TP63: variants seen among roughly 807,000 people sequenced by gnomAD.
TP63 encodes tumor protein 63.
In TP63, 17 loss-of-function variants were observed where a neutral mutation model predicts 82.8. That is an observed-to-expected ratio of 0.21 (90% confidence interval 0.14 to 0.31). The LOEUF (loss-of-function observed/expected upper bound fraction) is 0.31, where lower values mean the gene tolerates loss of function less well. Ranked by LOEUF, TP63 falls within the 10% of genes least tolerant of loss-of-function variation. The pLI is 1.00. For synonymous variants in TP63, 330 were observed against 321.7 expected (o/e 1.03, Z -0.28); for missense variants, 648 against 895.3 (o/e 0.72, Z 3.52).
At chr3:189,711,771 G>T (rs561485797) in intron 1 of TP63, among the ~76,000 whole-genome samples, 20 of 152,284 alleles carry the variant, frequency 1.3e-4, no homozygotes, top group Admixed American at 9.8e-4. Context: ...TTTCATGTGG[G>T]TATAATGTCT....
chr3:189,738,192 A>G (rs2108796133), intron 2 of TP63, among the ~76,000 whole-genome samples: 1 of 152,290 alleles, frequency 6.6e-6, no homozygotes, highest in South Asian at 2.1e-4. Flanking sequence ...TAATGCAGGT[A>G]CTCACTGAGA....
In TP63 at chr3:189,789,013, T is replaced by G. The variant is rs6794787; in HGVS notation, c.325-19259T>G. Among the ~76,000 whole-genome samples the G allele has an allele frequency of 8.4e-3, 1,275 of 152,092 alleles. 22 individuals are homozygous for G. Among genetic ancestry groups the G allele is most frequent in the African/African-American group, 0.029 (1,214 of 41,542 alleles). On this transcript the variant is annotated intron_variant, in intron 3 of 13. Transcript: ENST00000264731. ...TCCCGTACATAATATGGATGTTTGT[T>G]TGTTTTTGTAAGTTAACGGGACCGG... is the stretch of plus-strand genomic sequence containing the variant.
intron 3 of TP63, among the ~76,000 whole-genome samples, chr3:189,766,365 A>G (rs535452951): frequency 6.0e-4 from 91 of 152,336 alleles, no homozygotes; most frequent in African/African-American, 2.0e-3. Flanking sequence ...GCAAAAACCC[A>G]AACACAAAAG....
chr3:189,734,272 A>G (rs1237538305), intron 1 of TP63, among the ~76,000 whole-genome samples: 3 of 149,490 alleles, frequency 2.0e-5, no homozygotes, highest in Non-Finnish European at 4.4e-5. Context: ...CTTGGGTTCA[A>G]GCGATTCTCC....
intron 1 of TP63, among the ~76,000 whole-genome samples, chr3:189,716,036 C>T (rs1718932945): frequency 6.6e-6 from 1 of 152,174 alleles, no homozygotes; most frequent in South Asian, 2.1e-4. Context: ...TTTACTCATA[C>T]AGCGATATAG....
intron 3 of TP63, among the ~76,000 whole-genome samples, chr3:189,770,729 A>C (rs1298753365): frequency 1.3e-5 from 2 of 152,196 alleles, no homozygotes. Flanking sequence ...AAATTTGAGG[A>C]GGCTAATCCA....
At chr3:189,886,329 A>C in intron 10 of TP63, 65 bp from the exon 11 acceptor site, 1 of 1,564,284 alleles carries the variant, frequency 6.4e-7, no homozygotes, top group Admixed American at 1.7e-5. Flanking sequence ...AGACCTGTTG[A>C]AAATCAATAG....
intron 1 of TP63, among the ~76,000 whole-genome samples, chr3:189,721,590 A>ATCTTG (rs1719397632): frequency 6.6e-6 from 1 of 152,092 alleles, no homozygotes; most frequent in South Asian, 2.1e-4. Flanking sequence ...ATAATGATCC[A>ATCTTG]TCTTGCTTTG....
intron 1 of TP63, among the ~76,000 whole-genome samples, chr3:189,733,823 A>C (rs13433804): frequency 0.62 from 93,980 of 151,924 alleles, 29,252 homozygotes; most frequent in Middle Eastern, 0.68. Context: ...AAATAAACCA[A>C]GTCAGCCACA....
chr3:189,733,657 T>C (rs1720335529), intron 1 of TP63, among the ~76,000 whole-genome samples: 1 of 152,226 alleles, frequency 6.6e-6, no homozygotes, highest in Non-Finnish European at 1.5e-5. Flanking sequence ...ATGATTGCAT[T>C]TACTTTTATT....
intron 10 of TP63, among the ~76,000 whole-genome samples, chr3:189,875,624 A>G (rs1284538174): frequency 8.4e-6 from 1 of 118,412 alleles, no homozygotes; most frequent in South Asian, 2.8e-4. Flanking sequence ...ATATATATAT[A>G]TATATATATA....
At chr3:189,881,382 C>T (rs1426058661) in intron 10 of TP63, 1 of 985,298 alleles carries the variant, frequency 1.0e-6, no homozygotes, top group Non-Finnish European at 1.2e-6. Flanking sequence ...TCTTCCCACA[C>T]CCAGTCACCA....
At chr3:189,812,907 C>A (rs1727729335) in intron 4 of TP63, among the ~76,000 whole-genome samples, 1 of 152,130 alleles carries the variant, frequency 6.6e-6, no homozygotes, top group Non-Finnish European at 1.5e-5. Flanking sequence ...GGGCTATTAA[C>A]ATGCATACTT....
At chr3:189,724,385 G>A (rs1719616892) in intron 1 of TP63, among the ~76,000 whole-genome samples, 1 of 152,138 alleles carries the variant, frequency 6.6e-6, no homozygotes, top group Non-Finnish European at 1.5e-5. Flanking sequence ...ACATAAGTAA[G>A]TTTTTTAGAG....
chr3:189,628,162 T>C (rs1410214699), upstream of TP63, among the ~76,000 whole-genome samples: 1 of 152,026 alleles, frequency 6.6e-6, no homozygotes, highest in Non-Finnish European at 1.5e-5. Context: ...AGTGCAGATA[T>C]AATTATGTAG....
At chr3:189,799,381 T>G (rs1419138647) in intron 3 of TP63, among the ~76,000 whole-genome samples, 1 of 152,090 alleles carries the variant, frequency 6.6e-6, no homozygotes, top group Non-Finnish European at 1.5e-5. Context: ...TCTGGGTGGT[T>G]TCTTTTCAAA....
intron 10 of TP63, among the ~76,000 whole-genome samples, chr3:189,885,180 C>T (rs944101923): frequency 4.6e-5 from 7 of 152,196 alleles, no homozygotes; most frequent in African/African-American, 1.7e-4. Flanking sequence ...TTTCCCATAA[C>T]AGACTAGACA....
At chr3:189,825,360 C>G (rs1729229499) in intron 4 of TP63, among the ~76,000 whole-genome samples, 1 of 152,142 alleles carries the variant, frequency 6.6e-6, no homozygotes, top group Non-Finnish European at 1.5e-5. Flanking sequence ...AAATGGTTAT[C>G]AATATGAAGT....
chr3:189,622,460 G>A, the TP63 span, among the ~76,000 whole-genome samples: 2 of 152,138 alleles, frequency 1.3e-5, no homozygotes, highest in Non-Finnish European at 2.9e-5. Context: ...ATCTCTTCCT[G>A]TGTGAAATGC....
Sources: allele counts gnomAD v4.1 joint callset (sites outside exome capture counted in the v4.1 genomes callset), GRCh38; gene constraint gnomAD v4.1.1; transcripts MANE v1.5; gene names NCBI Gene and HGNC (gene_info 2026-07-23, HGNC 2026-07-21).